The following SYNJ1 variants were observed in gnomAD, a reference collection of about 807,000 sequenced individuals.
SYNJ1 encodes the protein polyphosphatidylinositol phosphatase SYNJ1.
A neutral mutation model predicts 168.2 loss-of-function variants in SYNJ1; 78 were observed. The observed-to-expected ratio is 0.46, with a 90% confidence interval of 0.39 to 0.56. SYNJ1 has a LOEUF of 0.56. Ranked by LOEUF, SYNJ1 falls within the 20% of genes least tolerant of loss-of-function variation. The pLI is 0.00. For synonymous variants in SYNJ1, 539 were observed against 548.6 expected, an observed-to-expected ratio of 0.98 and a Z score of 0.24; for missense variants, 1,303 against 1,597.6, an observed-to-expected ratio of 0.82 and a Z score of 3.14.
Position 32,631,498 on chromosome 21 carries a change from T to A in SYNJ1, c.*307A>T, listed in dbSNP as rs758480958. The A allele has an allele frequency of 6.2e-7, 1 of 1,614,092 alleles. No individual in the cohort carries two copies. Among genetic ancestry groups the A allele is most frequent in the South Asian group, 1.1e-5 (1 of 91,074 alleles). ...TTTCCAGGAGCAGCAGTCCTGTCAC[T>A]GAAAGGATTTGTCCTGGTCAAGCCA... On this transcript the variant is annotated 3_prime_UTR_variant, in exon 33 of 33. Transcript: ENST00000674351.
chr21:32,676,070 G>A (rs2041395922), intron 13 of SYNJ1, among the ~76,000 whole-genome samples: 1 of 152,140 alleles, frequency 6.6e-6, no homozygotes, highest in African/African-American at 2.4e-5. Flanking sequence ...ATTAAAACTA[G>A]CTGAATTATC....
chr21:32,707,569 A>G (rs956217711), intron 2 of SYNJ1, among the ~76,000 whole-genome samples: 1 of 152,096 alleles, frequency 6.6e-6, no homozygotes, highest in Non-Finnish European at 1.5e-5. Context: ...TCTGGCTTCA[A>G]GTGATCCTCC....
intron 2 of SYNJ1, among the ~76,000 whole-genome samples, chr21:32,724,821 A>T (rs1241427187): frequency 6.6e-6 from 1 of 152,246 alleles, no homozygotes; most frequent in African/African-American, 2.4e-5. Flanking sequence ...AGGAAAGATA[A>T]TGACATTCCA....
At chr21:32,634,779 T>G in intron 32 of SYNJ1, 82 bp downstream of exon 32, 2 of 1,442,450 alleles carry the variant, frequency 1.4e-6, no homozygotes, top group Non-Finnish European at 1.9e-6. Flanking sequence ...GGTGAAACTT[T>G]AGATGTATGA....
chr21:32,631,316 T>C lies in SYNJ1; in HGVS notation c.*489A>G, dbSNP rs2039316104. 6.2e-7 allele frequency: 1 copy of C among 1,614,222 alleles called. No individual in the cohort carries two copies. The highest frequency in any genetic ancestry group is 8.5e-7 in the Non-Finnish European group (1 of 1,180,036). ...TAATTTTTAATGTAGACTGGCCCTGTAGATCAAAACTGTCCTTAAAGCCAT... is the reference window on the plus strand; with the variant it reads ...TAATTTTTAATGTAGACTGGCCCTGCAGATCAAAACTGTCCTTAAAGCCAT... On this transcript the variant is annotated 3_prime_UTR_variant, in exon 33 of 33. Transcript: ENST00000674351.
At chr21:32,643,562 A>C in intron 26 of SYNJ1, 105 bp from the exon 27 acceptor site, 2 of 1,187,374 alleles carry the variant, frequency 1.7e-6, no homozygotes, top group Admixed American at 4.3e-5. Flanking sequence ...TTTTGCAAAA[A>C]GGCTCTTTTA....
chr21:32,641,881 C>T lies in SYNJ1; in HGVS notation c.3588+15G>A, dbSNP rs540863552. On this transcript the variant is annotated intron_variant, in intron 29 of 32. Transcript: ENST00000674351. ...AGAACCGAGACCCCTTGGCCCCAGG[C>T]GAGGTTTTACCTACCGGTCTGGCTG... The T allele has an allele frequency of 3.3e-5, 53 of 1,597,830 alleles. No homozygotes were observed. Among genetic ancestry groups the T allele is most frequent in the Non-Finnish European group, 4.1e-5 (48 of 1,171,032 alleles).
intron 3 of SYNJ1, 74 bp from the exon 4 acceptor site, chr21:32,700,179 T>C (rs2042348823): frequency 6.8e-7 from 1 of 1,474,642 alleles, no homozygotes; most frequent in Admixed American, 2.2e-5. Context: ...CTTGCACCTC[T>C]ATTTTTTAAA....
In SYNJ1 at chr21:32,695,097, T is replaced by C; in HGVS notation, c.665A>G (p.Asn222Ser). Residue 222 changes from asparagine (N) to serine (S), a missense_variant, in exon 5 of 33, where the codon AAT becomes AGT. By Grantham distance (46) the Asn-to-Ser change is conservative (BLOSUM62 1). Coordinates refer to ENST00000674351, the MANE Select transcript of SYNJ1 (RefSeq NM_203446.3). The stretch of plus-strand genomic sequence containing the variant: ...AAAATTGGCAACATGACCATCATCA[T>C]TTGTTCCCCGGACATTAAACCTGGT... The part of the protein sequence containing the change: ...AGTRFNVRGT[N>S]DDGHVANFVE... 6.2e-7 allele frequency: 1 copy of C among 1,614,180 alleles called. No individual in the cohort carries two copies. The highest frequency in any genetic ancestry group is 8.5e-7 in the Non-Finnish European group (1 of 1,180,016).
intron 12 of SYNJ1, among the ~76,000 whole-genome samples, chr21:32,678,392 T>G (rs1004387509): frequency 2.6e-5 from 4 of 152,194 alleles, no homozygotes; most frequent in Non-Finnish European, 4.4e-5. Context: ...TGCTTAATTA[T>G]TTACCCCTCA....
Position 32,665,932 on chromosome 21 carries a change from C to A in SYNJ1, c.2145+11G>T. 1 of 1,583,796 alleles carries A rather than the reference C, an allele frequency of 6.3e-7. No individual in the cohort carries two copies. Among genetic ancestry groups the A allele is most frequent in the Non-Finnish European group, 8.6e-7 (1 of 1,164,618 alleles). ...AAGCTTTATCTTCAAGAACAAGCAG[C>A]AAGAGCTTACCATAGGAAAACTCAA... On this transcript the variant is annotated intron_variant, in intron 17 of 32. Coordinates refer to ENST00000674351, the MANE Select transcript of SYNJ1 (RefSeq NM_203446.3).
intron 22 of SYNJ1, among the ~76,000 whole-genome samples, 194 bp from the exon 23 acceptor site, chr21:32,650,540 T>G (rs2040237321): frequency 6.6e-6 from 1 of 152,246 alleles, no homozygotes; most frequent in Non-Finnish European, 1.5e-5. Flanking sequence ...CAGTTCTCCC[T>G]TTAAACACCT....
intron 30 of SYNJ1, among the ~76,000 whole-genome samples, 191 bp from the exon 31 acceptor site, chr21:32,639,316 G>GA (rs1392747763): frequency 3.9e-5 from 6 of 152,196 alleles, no homozygotes; most frequent in African/African-American, 1.4e-4. Context: ...ATGACAGAAG[G>GA]AAAAAGAGAA....
chr21:32,634,603 A>G (rs1246153420), intron 32 of SYNJ1, among the ~76,000 whole-genome samples: 2 of 152,200 alleles, frequency 1.3e-5, no homozygotes, highest in African/African-American at 4.8e-5. Flanking sequence ...TCTTGAAGTT[A>G]CACTTTTTAG....
Position 32,650,353 on chromosome 21 carries a change from G to C in SYNJ1, c.2875-7C>G. On this transcript the variant is annotated splice_polypyrimidine_tract_variant and splice_region_variant and intron_variant, in intron 22 of 32. Coordinates refer to ENST00000674351, the MANE Select transcript of SYNJ1 (RefSeq NM_203446.3). The stretch of plus-strand genomic sequence containing the variant: ...TTATAGTCCGATTCAATAACTAGCG[G>C]AGTAAAAGAGATATAAAATAAAGAT... 1 of 1,586,112 alleles carries C rather than the reference G, an allele frequency of 6.3e-7. No individual in the cohort carries two copies. The highest frequency in any genetic ancestry group is 8.5e-7 in the Non-Finnish European group (1 of 1,171,322).
chr21:32,640,158 G>A (rs1004108870), intron 29 of SYNJ1, among the ~76,000 whole-genome samples: 1 of 152,162 alleles, frequency 6.6e-6, no homozygotes, highest in Non-Finnish European at 1.5e-5. Flanking sequence ...CTGACTGGCT[G>A]CAGGGCTAGG....
At chr21:32,677,710 A>C (rs2041466161) in intron 12 of SYNJ1, among the ~76,000 whole-genome samples, 1 of 152,170 alleles carries the variant, frequency 6.6e-6, no homozygotes, top group African/African-American at 2.4e-5. Context: ...TAGCCCACTT[A>C]CAGGTCCCTG....
In SYNJ1 at chr21:32,702,881, C is replaced by T. The variant is rs184977695; in HGVS notation, c.125-834G>A. On this transcript the variant is annotated intron_variant, in intron 2 of 32. Coordinates refer to ENST00000674351, the MANE Select transcript of SYNJ1 (RefSeq NM_203446.3). ...AAAATAGGATGTTTGGCAACACTGA[C>T]GTGTTCCACGTTAGAAAATCACGTA... is the stretch of plus-strand genomic sequence containing the variant. 1.9e-3 allele frequency among the ~76,000 whole-genome samples: 297 copies of T among 152,358 alleles called. 3 individuals carry two copies. Among genetic ancestry groups the T allele is most frequent in the African/African-American group, 6.9e-3 (285 of 41,582 alleles).
At chr21:32,638,869 G>A (rs1478545208) in intron 31 of SYNJ1, 39 bp downstream of exon 31, 28 of 1,529,880 alleles carry the variant, frequency 1.8e-5, no homozygotes, top group Non-Finnish European at 2.4e-5. Context: ...TAAATCATAT[G>A]CATCAAAGAT....
Sources: allele counts gnomAD v4.1 joint callset (sites outside exome capture counted in the v4.1 genomes callset), GRCh38; gene constraint gnomAD v4.1.1; transcripts MANE v1.5; gene names NCBI Gene and HGNC (gene_info 2026-07-23, HGNC 2026-07-21).